Variants in MRPL13 observed in about 807,000 individuals in gnomAD.
MRPL13 encodes the protein large ribosomal subunit protein uL13m.
Under a neutral mutation model 29.0 loss-of-function variants are expected in MRPL13, and 33 were observed. The ratio of observed to expected loss-of-function variants is 1.14; its 90% CI spans 0.86 to 1.52. MRPL13 has a LOEUF of 1.52. MRPL13 is among the 40% of genes most tolerant of loss of function. The pLI is 0.00. For synonymous variants in MRPL13, 77 were observed against 68.4 expected, an observed-to-expected ratio of 1.13 and a Z score of -0.62; for missense variants, 227 against 216.7, an observed-to-expected ratio of 1.05 and a Z score of -0.30.
intron 6 of MRPL13, among the ~76,000 whole-genome samples, chr8:120,410,840 G>A (rs1188738468): frequency 2.0e-5 from 3 of 151,620 alleles, no homozygotes; most frequent in Non-Finnish European, 2.9e-5. Context: ...GGAGTGCAAT[G>A]GTGCGATCTC....
chr8:120,422,618 T>TTA (rs1194747984), intron 4 of MRPL13, among the ~76,000 whole-genome samples: 1 of 148,650 alleles, frequency 6.7e-6, no homozygotes, highest in South Asian at 2.1e-4. Context: ...ATATATAAAC[T>TTA]TATATATTTA....
At chr8:120,422,424 T>C (rs912587739) in intron 4 of MRPL13, among the ~76,000 whole-genome samples, 3 of 151,414 alleles carry the variant, frequency 2.0e-5, no homozygotes, top group East Asian at 3.9e-4. Flanking sequence ...TTTAGCAATA[T>C]TGGTGACTAA....
intron 5 of MRPL13, 157 bp from the exon 6 acceptor site, chr8:120,414,269 C>T: frequency 1.8e-6 from 1 of 559,970 alleles, no homozygotes; most frequent in East Asian, 4.1e-5. Flanking sequence ...AAAAATTCCC[C>T]AAAAGTACAT....
rs1430550000 is a variant in MRPL13, at chr8:120,396,219, CTG to C, written c.516-96_516-95del. ...TTTTTCCAATTTAAAATAAAAATAACTGTTCACCAAGAAATAGCTACAAACAC... is the reference window on the plus strand; with the variant it reads ...TTTTTCCAATTTAAAATAAAAATAACTTCACCAAGAAATAGCTACAAACAC... On this transcript the variant is annotated intron_variant, in intron 6 of 6. Transcript: ENST00000306185. 5.2e-6 allele frequency: 5 copies of C among 966,682 alleles called. No homozygotes were observed. In the African/African-American group the frequency reaches 6.7e-5, roughly 13 times the overall value. 59.9% of individuals were successfully genotyped at this position (966,682 alleles called of 1,614,324 possible).
chr8:120,421,457 T>G (rs943282643), intron 4 of MRPL13, among the ~76,000 whole-genome samples: 1 of 151,896 alleles, frequency 6.6e-6, no homozygotes, highest in Non-Finnish European at 1.5e-5. Context: ...GAAAGCTGCA[T>G]TGTGAAACAA....
chr8:120,428,114 G>A (rs1303870869), intron 3 of MRPL13, among the ~76,000 whole-genome samples: 10 of 123,502 alleles, frequency 8.1e-5, no homozygotes, highest in African/African-American at 2.9e-4. Context: ...AACCAAAACA[G>A]CATGGTACTG....
chr8:120,400,468 G>A (rs1481798518), intron 6 of MRPL13, among the ~76,000 whole-genome samples: 1 of 151,996 alleles, frequency 6.6e-6, no homozygotes, highest in Non-Finnish European at 1.5e-5. Context: ...CTGAGACGCA[G>A]CTAAAGCAGT....
At chr8:120,397,081 C>T (rs1347866768) in intron 6 of MRPL13, among the ~76,000 whole-genome samples, 1 of 152,178 alleles carries the variant, frequency 6.6e-6, no homozygotes, top group East Asian at 1.9e-4. Context: ...ACCCCCACTC[C>T]CAGCCACGGG....
chr8:120,435,354 C>T (rs1172759750), intron 2 of MRPL13, among the ~76,000 whole-genome samples: 3 of 151,958 alleles, frequency 2.0e-5, no homozygotes, highest in South Asian at 4.1e-4. Context: ...GTTTTTTGAT[C>T]CTCACCCTCC....
intron 4 of MRPL13, among the ~76,000 whole-genome samples, chr8:120,424,990 CAT>C: frequency 6.6e-6 from 1 of 152,010 alleles, no homozygotes; most frequent in East Asian, 1.9e-4. Context: ...TACACACATA[CAT>C]ACATATATCT....
At chr8:120,434,238 C>A (rs1813027747) in intron 2 of MRPL13, among the ~76,000 whole-genome samples, 1 of 152,056 alleles carries the variant, frequency 6.6e-6, no homozygotes, top group African/African-American at 2.4e-5. Flanking sequence ...AGAATGAAGT[C>A]ATAATTTTTC....
At chr8:120,414,133 G>T in intron 5 of MRPL13, 21 bp from the exon 6 acceptor site, 1 of 1,462,046 alleles carries the variant, frequency 6.8e-7, no homozygotes, top group Non-Finnish European at 9.1e-7. Flanking sequence ...AAAAAATTTA[G>T]ACTTAATTTT....
intron 6 of MRPL13, among the ~76,000 whole-genome samples, chr8:120,412,072 T>C (rs567497362): frequency 2.6e-5 from 4 of 152,324 alleles, no homozygotes; most frequent in East Asian, 3.9e-4. Context: ...GTGTATAATA[T>C]GTATTTGCAC....
At chr8:120,400,744 A>AT (rs1249065869) in intron 6 of MRPL13, among the ~76,000 whole-genome samples, 18 of 80,554 alleles carry the variant, frequency 2.2e-4, no homozygotes, top group South Asian at 7.2e-4. Context: ...AAATAAATAA[A>AT]AAAAATAGAC....
chr8:120,395,765 C>CAA lies in MRPL13; in HGVS notation c.*338_*339insTT, dbSNP rs2130444337. 5.4e-6 allele frequency: 1 copy of CAA among 186,728 alleles called. No individual in the cohort carries two copies. The highest frequency in any genetic ancestry group is 1.4e-4 in the East Asian group (1 of 7,068). The allele number at this position is 186,728 out of a possible 1,614,324, so 11.6% of individuals were successfully genotyped here. ...TGACCTGCAAACTTGAGAAAATCTG[C>CAA]ATGGAGAGGCATTTTTGGAATGTGT... On this transcript the variant is annotated 3_prime_UTR_variant, in exon 7 of 7. Transcript: ENST00000306185.
At chr8:120,420,996 G>T (rs910898891) in intron 4 of MRPL13, among the ~76,000 whole-genome samples, 2 of 151,658 alleles carry the variant, frequency 1.3e-5, no homozygotes, top group South Asian at 4.1e-4. Flanking sequence ...ACAAATGTAC[G>T]TAAACAAAGG....
chr8:120,441,674 T>C (rs955512736), intron 2 of MRPL13, among the ~76,000 whole-genome samples: 3 of 152,142 alleles, frequency 2.0e-5, no homozygotes, highest in African/African-American at 4.8e-5. Flanking sequence ...GGTTGCATCC[T>C]GGTTCAAAAA....
intron 6 of MRPL13, among the ~76,000 whole-genome samples, chr8:120,403,593 C>G (rs1414236235): frequency 6.6e-6 from 1 of 152,086 alleles, no homozygotes; most frequent in African/African-American, 2.4e-5. Context: ...ACCTGTGTAA[C>G]AAACCTGTAC....
intron 6 of MRPL13, among the ~76,000 whole-genome samples, chr8:120,398,846 T>TA (rs1812552062): frequency 1.3e-5 from 2 of 151,746 alleles, no homozygotes; most frequent in African/African-American, 4.8e-5. Flanking sequence ...ACATGAGAAA[T>TA]ACATAATGCA....
Sources: allele counts gnomAD v4.1 joint callset (sites outside exome capture counted in the v4.1 genomes callset), GRCh38; gene constraint gnomAD v4.1.1; transcripts MANE v1.5; gene names NCBI Gene and HGNC (gene_info 2026-07-23, HGNC 2026-07-21).